Variants in GIT2 observed in about 807,000 individuals in gnomAD.
GIT2 encodes GIT ArfGAP 2.
In GIT2, 32 loss-of-function variants were observed where a neutral mutation model predicts 100.3. The ratio of observed to expected loss-of-function variants is 0.32; its 90% CI spans 0.24 to 0.43. The LOEUF is 0.43. Among genes scored for constraint, GIT2 ranks in the 20% least tolerant of loss-of-function variants. The pLI is 1.00. For synonymous variants in GIT2, 353 were observed against 364.1 expected, an observed-to-expected ratio of 0.97 and a Z score of 0.35; for missense variants, 737 against 975.1, an observed-to-expected ratio of 0.76 and a Z score of 3.25.
intron 2 of GIT2, among the ~76,000 whole-genome samples, chr12:109,991,325 AC>A (rs1297710244): frequency 1.3e-5 from 2 of 151,968 alleles, no homozygotes; most frequent in South Asian, 2.1e-4. Flanking sequence ...AAAAAAAAAA[AC>A]ATTTCCGATG....
upstream of GIT2, chr12:109,999,724 C>T: frequency 1.3e-6 from 2 of 1,537,776 alleles, no homozygotes; most frequent in South Asian, 1.2e-5. This position sits in a 1 kb window ranked among gnomAD's most constrained non-coding sequence, Gnocchi z 4.3. Context: ...ACCACTACCC[C>T]CTGCACCTCC....
chr12:109,947,824 T>C lies in GIT2; in HGVS notation c.1393-320A>G. The stretch of plus-strand genomic sequence containing the variant: ...GGCTGGGAAATGTTTGCAGGCAAGC[T>C]GTACACTGGATTATTACTAAGGCTG... On this transcript the variant is annotated intron_variant, in intron 14 of 19. Transcript: ENST00000355312. This position sits in a 1 kb window ranked among gnomAD's most constrained non-coding sequence, Gnocchi z 4.3. The C allele has an allele frequency of 3.3e-6, 1 of 302,782 alleles. No homozygotes were observed. Among genetic ancestry groups the C allele is most frequent in the Non-Finnish European group, 6.3e-6 (1 of 158,622 alleles). The allele number at this position is 302,782 out of a possible 1,614,324, so 18.8% of individuals were successfully genotyped here.
In GIT2 at chr12:109,941,079, C is replaced by T. The variant is rs76878269; in HGVS notation, c.1732-1832G>A. ...CCCATACACTCTTCTGCTCCCAGGG[C>T]GCATGTTCTCTCCTCTGTCGGCTGA... On this transcript the variant is annotated intron_variant, in intron 16 of 19. Transcript: ENST00000355312. Among the ~76,000 whole-genome samples, 1,260 of 152,186 alleles carry T rather than the reference C, an allele frequency of 8.3e-3. 23 individuals are homozygous for T. The highest frequency in any genetic ancestry group is 0.028 in the African/African-American group (1,178 of 41,486).
rs748614133 is a variant in GIT2 at position 109,933,168 on chromosome 12, C to G, written c.2090G>C (p.Arg697Thr). Residue 697 changes from arginine (R) to threonine (T), a missense_variant, in exon 20 of 20, where the codon AGG (arginine) becomes ACG (threonine). Arg to Thr is a moderately conservative substitution (Grantham distance 71). Coordinates refer to ENST00000355312, the MANE Select transcript of GIT2 (RefSeq NM_057169.5). The surrounding 1 kb of genome is among the most constrained non-coding windows in gnomAD (Gnocchi z 4.5). The stretch of plus-strand genomic sequence containing the variant: ...GGACGTCAGTAAACGAAGGGAAGTC[C>G]TCACCATATCAGACTTGGGTTTCTA... Reference protein sequence around the residue: ...FPKKPKSDMVRTSLRLLTSSA... With the variant: ...FPKKPKSDMVTTSLRLLTSSA... The G allele has an allele frequency of 6.4e-7, 1 of 1,565,114 alleles. No individual in the cohort carries two copies. The highest frequency in any genetic ancestry group is 8.7e-7 in the Non-Finnish European group (1 of 1,152,692).
At chr12:109,952,457 C>T (rs1342521119) in intron 13 of GIT2, 2 of 517,144 alleles carry the variant, frequency 3.9e-6, no homozygotes, top group Non-Finnish European at 7.7e-6. Flanking sequence ...CCAGACATGG[C>T]ATCCTGGGCT....
At chr12:109,972,821 A>G (rs1479383398) in intron 7 of GIT2, among the ~76,000 whole-genome samples, 2 of 151,542 alleles carry the variant, frequency 1.3e-5, no homozygotes, top group African/African-American at 4.9e-5. Context: ...GTTATGTTGC[A>G]TTTTTCTCTA....
At chr12:109,936,126 G>A (rs1241182273) in intron 18 of GIT2, among the ~76,000 whole-genome samples, 2 of 152,046 alleles carry the variant, frequency 1.3e-5, no homozygotes, top group Admixed American at 6.6e-5. Flanking sequence ...AATTCAAGAT[G>A]ATAAATAAAA....
At chr12:109,986,901 G>A (rs760077752) in intron 4 of GIT2, among the ~76,000 whole-genome samples, 1 of 151,942 alleles carries the variant, frequency 6.6e-6, no homozygotes, top group African/African-American at 2.4e-5. Context: ...AGGTTGTAGT[G>A]AGCCAAGATC....
rs137949370 is a variant in GIT2, at chr12:109,977,498, G to A, written c.718+3454C>T. ...TGCACTCCAGCCTAGGCGATGGAGT[G>A]AGACCCTGTCTCAAAATAATAATAA... On this transcript the variant is annotated intron_variant, in intron 7 of 19. Coordinates refer to ENST00000355312, the MANE Select transcript of GIT2 (RefSeq NM_057169.5). Among the ~76,000 whole-genome samples the A allele has an allele frequency of 6.8e-3, 1,034 of 152,174 alleles. 1 individual carries two copies. The highest frequency in any genetic ancestry group is 9.4e-3 in the Non-Finnish European group (642 of 68,008).
At position 109,947,409 on chromosome 12, in the gene GIT2, G is replaced by A. The variant is rs781596518; in HGVS notation, c.1488C>T (p.Ser496=). The part of the protein sequence containing the change: ...VQTGSEYTDT[S]NHSSLKRRPS... ...GACGTCTCTTTAAGGAAGAGTGGTT[G>A]GAAGTGTCTGTGTACTCAGAACCAG... Residue 496 remains serine, a synonymous_variant, in exon 15 of 20, where the codon TCC becomes TCT. Transcript: ENST00000355312. The surrounding 1 kb of genome is among the most constrained non-coding windows in gnomAD (Gnocchi z 4.3). The A allele has an allele frequency of 1.9e-6, 3 of 1,614,068 alleles. No individual in the cohort carries two copies. Among genetic ancestry groups the A allele is most frequent in the East Asian group, 2.2e-5 (1 of 44,886 alleles).
chr12:109,984,954 G>A (rs768837583), intron 4 of GIT2, among the ~76,000 whole-genome samples: 6 of 152,150 alleles, frequency 3.9e-5, no homozygotes, highest in Admixed American at 3.3e-4. Flanking sequence ...CTTTAATAAA[G>A]TCTTTCAGGG....
chr12:109,995,068 G>A (rs1480944504), intron 1 of GIT2, among the ~76,000 whole-genome samples: 1 of 152,142 alleles, frequency 6.6e-6, no homozygotes, highest in East Asian at 1.9e-4. Context: ...AGCCAGTGGT[G>A]TTCAATGATT....
chr12:109,986,957 AAAAAAAT>A (rs756405544), intron 4 of GIT2, among the ~76,000 whole-genome samples: 112 of 152,186 alleles, frequency 7.4e-4, no homozygotes, highest in African/African-American at 2.5e-3. Context: ...ACTCTGTCTC[AAAAAAAT>A]AAAAAATAAA....
At position 109,981,214 on chromosome 12, in the gene GIT2, C is replaced by G; in HGVS notation, c.624-168G>C. On this transcript the variant is annotated intron_variant, in intron 6 of 19. Transcript: ENST00000355312. Reference sequence around the variant, plus strand: ...TTTCTGAAGTCTACTTTGCATCCCACTTTTATAAACTGTTTTCACCATCTG... The same window carrying G: ...TTTCTGAAGTCTACTTTGCATCCCAGTTTTATAAACTGTTTTCACCATCTG... 5.1e-6 allele frequency: 3 copies of G among 583,428 alleles called. No individual in the cohort carries two copies. The South Asian group carries it at 6.2e-5, about 12-fold the overall frequency. 36.1% of individuals were successfully genotyped at this position (583,428 alleles called of 1,614,324 possible).
chr12:109,934,133 G>C lies in GIT2; in HGVS notation c.2004-48C>G, dbSNP rs778647308. On this transcript the variant is annotated intron_variant, in intron 18 of 19. Transcript: ENST00000355312. This position sits in a 1 kb window ranked among gnomAD's most constrained non-coding sequence, Gnocchi z 4.5. ...ATTCAATGACAGTAAAAATGATTCGGAGGCAAAGAGGACTCAAGTGCTAGA... is the reference window on the plus strand; with the variant it reads ...ATTCAATGACAGTAAAAATGATTCGCAGGCAAAGAGGACTCAAGTGCTAGA... The C allele has an allele frequency of 1.0e-6, 1 of 998,078 alleles. No homozygotes were observed. The highest frequency in any genetic ancestry group is 1.7e-5 in the Admixed American group (1 of 59,186). 61.8% of individuals were successfully genotyped at this position (998,078 alleles called of 1,614,324 possible). A position where few individuals can be genotyped will look rare whatever the true frequency, so the allele number is the denominator to read the frequency against.
rs1209580645 is a variant in GIT2 at position 109,951,304 on chromosome 12, C to G, written c.1255G>C (p.Asp419His). Residue 419 changes from aspartate (D) to histidine (H), a missense_variant, in exon 14 of 20, where the codon GAT (aspartate) becomes CAT (histidine). Asp to His is a moderately conservative substitution (Grantham distance 81). Coordinates refer to ENST00000355312, the MANE Select transcript of GIT2 (RefSeq NM_057169.5). ...KTNRQKSLDS[D>H]LSDGPVTVQE... The stretch of plus-strand genomic sequence containing the variant: ...ACAGTGACTGGTCCATCTGATAAAT[C>G]TGAATCTAGGCTCTAAAAATAAATT... 6.8e-6 allele frequency: 11 copies of G among 1,611,372 alleles called. No homozygotes were observed. The highest frequency in any genetic ancestry group is 2.7e-5 in the African/African-American group (2 of 74,860).
upstream of GIT2, among the ~76,000 whole-genome samples, chr12:109,996,659 T>C (rs1396184465): frequency 2.0e-5 from 3 of 152,252 alleles, no homozygotes; most frequent in Admixed American, 6.5e-5. Context: ...AACAAATGTT[T>C]ATCAAGCACT....
chr12:109,989,120 C>T, intron 3 of GIT2, 52 bp from the exon 4 acceptor site: 1 of 1,079,576 alleles, frequency 9.3e-7, no homozygotes, highest in Non-Finnish European at 1.4e-6. Flanking sequence ...TACAACAATC[C>T]CCATTCTTTG....
At chr12:109,943,336 C>CT (rs60594394) in intron 16 of GIT2, among the ~76,000 whole-genome samples, 27,383 of 148,050 alleles carry the variant, frequency 0.18, 4,760 homozygotes, top group African/African-American at 0.47. Context: ...GCTCAGGAGA[C>CT]TTTTTTTTTT....
Sources: gnomAD v4.1 joint callset for allele counts (sites outside exome capture counted in the v4.1 genomes callset) on GRCh38, gnomAD v4.1.1 for gene constraint, Gnocchi (gnomAD v3.1) non-coding constraint, MANE v1.5 for transcripts, NCBI Gene and HGNC (gene_info 2026-07-23, HGNC 2026-07-21) for gene names.